The following NEMP2 variants were observed in gnomAD, a reference collection of about 807,000 sequenced individuals.
NEMP2 encodes nuclear envelope integral membrane protein 2, also known as UPF0571 transmembrane protein.
In NEMP2, 53 loss-of-function variants were observed where a neutral mutation model predicts 54.2. The ratio of observed to expected loss-of-function variants is 0.98; its 90% CI spans 0.78 to 1.23. NEMP2 has a LOEUF of 1.23. Ranked by LOEUF, NEMP2 falls within the 50% of genes most tolerant of loss-of-function variation. The probability of loss-of-function intolerance (pLI) is 0.00; values close to 1 mark genes in which losing one functional copy is unlikely to be tolerated. For synonymous variants in NEMP2, 197 were observed against 190.3 expected, an observed-to-expected ratio of 1.04 and a Z score of -0.29; for missense variants, 455 against 511.3, an observed-to-expected ratio of 0.89 and a Z score of 1.06.
At chr2:190,438,018 A>G in the NEMP2 span, among the ~76,000 whole-genome samples, 2 of 152,184 alleles carry the variant, frequency 1.3e-5, no homozygotes, top group Non-Finnish European at 2.9e-5. This position sits in a 1 kb window ranked among gnomAD's most constrained non-coding sequence, Gnocchi z 5.2. Flanking sequence ...TATGGCATCT[A>G]AAGATGTCCA....
the NEMP2 span, among the ~76,000 whole-genome samples, chr2:190,431,499 T>A: frequency 6.6e-6 from 1 of 152,186 alleles, no homozygotes; most frequent in Non-Finnish European, 1.5e-5. The surrounding 1 kb of genome is among the most constrained non-coding windows in gnomAD (Gnocchi z 4.4). Flanking sequence ...GATTAGGAGC[T>A]GGAGACTAGC....
the NEMP2 span, chr2:190,646,908 C>T: frequency 2.0e-5 from 3 of 152,258 alleles, no homozygotes; most frequent in Admixed American, 6.5e-5. Context: ...TACATCTTTA[C>T]GGAAAAAAGT....
At chr2:190,625,884 G>A in the NEMP2 span, 2 of 152,130 alleles carry the variant, frequency 1.3e-5, no homozygotes, top group African/African-American at 4.8e-5. Context: ...TAACAGACAG[G>A]CAGCTTCTAG....
chr2:190,482,167 T>C, the NEMP2 span, among the ~76,000 whole-genome samples: 5 of 152,228 alleles, frequency 3.3e-5, no homozygotes, highest in Non-Finnish European at 7.3e-5. Context: ...GCATTGCAGA[T>C]GGCAGATTCT....
At chr2:190,475,701 GA>G in the NEMP2 span, among the ~76,000 whole-genome samples, 1 of 152,062 alleles carries the variant, frequency 6.6e-6, no homozygotes, top group East Asian at 1.9e-4. Context: ...CACAGAATTG[GA>G]AAAAACTACT....
At chr2:190,449,900 A>T in the NEMP2 span, among the ~76,000 whole-genome samples, 36 of 152,146 alleles carry the variant, frequency 2.4e-4, no homozygotes, top group Admixed American at 8.5e-4. Context: ...GCTTTAGGAG[A>T]TATACCTAAT....
At chr2:190,437,597 T>C in the NEMP2 span, 5 of 1,581,444 alleles carry the variant, frequency 3.2e-6, no homozygotes, top group South Asian at 4.6e-5. The surrounding 1 kb of genome is among the most constrained non-coding windows in gnomAD (Gnocchi z 5.9). Context: ...CCCTCAGCAA[T>C]TGAACTTTAT....
the NEMP2 span, among the ~76,000 whole-genome samples, chr2:190,595,939 C>T: frequency 2.0e-5 from 3 of 152,148 alleles, no homozygotes; most frequent in African/African-American, 7.2e-5. The surrounding 1 kb of genome is among the most constrained non-coding windows in gnomAD (Gnocchi z 4.0). Flanking sequence ...ACTATAAAGA[C>T]ACATGCACAC....
At chr2:190,462,543 A>G in the NEMP2 span, among the ~76,000 whole-genome samples, 16 of 152,322 alleles carry the variant, frequency 1.1e-4, no homozygotes, top group South Asian at 8.3e-4. The surrounding 1 kb of genome is among the most constrained non-coding windows in gnomAD (Gnocchi z 5.7). Flanking sequence ...TTTTGAGTAC[A>G]AAGAGGAAGA....
At chr2:190,488,799 C>T in the NEMP2 span, 2 of 1,576,716 alleles carry the variant, frequency 1.3e-6, no homozygotes, top group East Asian at 2.3e-5. This position sits in a 1 kb window ranked among gnomAD's most constrained non-coding sequence, Gnocchi z 6.4. Flanking sequence ...TGATCGGAGG[C>T]GTGTTAGTCA....
In NEMP2 at chr2:190,508,233, C is replaced by A. The variant is rs755687376; in HGVS notation, c.*956G>T. 3 of 152,120 alleles carry A rather than the reference C, an allele frequency of 2.0e-5. No homozygotes were observed. Among genetic ancestry groups the A allele is most frequent in the Non-Finnish European group, 2.9e-5 (2 of 68,006 alleles). 9.4% of individuals were successfully genotyped at this position (152,120 alleles called of 1,614,324 possible). ...CTTACGTATGTATATAAAAATCTTACGTATGTATAAAAAACTTTAAAATGT... is the reference window on the plus strand; with the variant it reads ...CTTACGTATGTATATAAAAATCTTAAGTATGTATAAAAAACTTTAAAATGT... On this transcript the variant is annotated 3_prime_UTR_variant, in exon 9 of 9. Coordinates refer to ENST00000409150, the MANE Select transcript of NEMP2 (RefSeq NM_001142645.2). The surrounding 1 kb of genome is among the most constrained non-coding windows in gnomAD (Gnocchi z 4.3).
chr2:190,557,963 C>T, the NEMP2 span, among the ~76,000 whole-genome samples: 1 of 152,178 alleles, frequency 6.6e-6, no homozygotes, highest in African/African-American at 2.4e-5. Flanking sequence ...CCTAACAATC[C>T]CATTCCTGGG....
chr2:190,636,665 T>C, the NEMP2 span, among the ~76,000 whole-genome samples: 2 of 152,242 alleles, frequency 1.3e-5, no homozygotes, highest in Non-Finnish European at 2.9e-5. Flanking sequence ...CCCCAGGGGC[T>C]TGTTCCATGT....
chr2:190,619,021 C>T, the NEMP2 span, among the ~76,000 whole-genome samples: 2 of 152,194 alleles, frequency 1.3e-5, no homozygotes, highest in African/African-American at 4.8e-5. The surrounding 1 kb of genome is among the most constrained non-coding windows in gnomAD (Gnocchi z 5.5). Context: ...AGAGAATAAT[C>T]TCTCTTCTAT....
chr2:190,554,253 C>T, the NEMP2 span, among the ~76,000 whole-genome samples: 7 of 152,084 alleles, frequency 4.6e-5, no homozygotes, highest in East Asian at 7.7e-4. The surrounding 1 kb of genome is among the most constrained non-coding windows in gnomAD (Gnocchi z 5.7). Flanking sequence ...CCGAGCTAGC[C>T]GCAGGAGTTT....
At chr2:190,439,374 A>G in the NEMP2 span, among the ~76,000 whole-genome samples, 1 of 151,570 alleles carries the variant, frequency 6.6e-6, no homozygotes, top group South Asian at 2.1e-4. The surrounding 1 kb of genome is among the most constrained non-coding windows in gnomAD (Gnocchi z 5.8). Context: ...TTATTTGTTT[A>G]TTTTTTTATT....
the NEMP2 span, among the ~76,000 whole-genome samples, chr2:190,618,511 A>G: frequency 6.6e-6 from 1 of 152,202 alleles, no homozygotes; most frequent in African/African-American, 2.4e-5. Flanking sequence ...CTCTTCGACC[A>G]AAGATAAATT....
upstream of NEMP2, among the ~76,000 whole-genome samples, chr2:190,538,521 C>T (rs1691448247): frequency 6.6e-6 from 1 of 151,928 alleles, no homozygotes; most frequent in Non-Finnish European, 1.5e-5. This position sits in a 1 kb window ranked among gnomAD's most constrained non-coding sequence, Gnocchi z 4.1. Context: ...TATGGTAGGT[C>T]TAGTTTTGAG....
the NEMP2 span, among the ~76,000 whole-genome samples, chr2:190,572,191 A>G: frequency 6.6e-6 from 1 of 152,200 alleles, no homozygotes; most frequent in Admixed American, 6.5e-5. Flanking sequence ...TTGCATTTAA[A>G]CTATAGCTAG....
Sources: gnomAD v4.1 joint callset for allele counts (sites outside exome capture counted in the v4.1 genomes callset) on GRCh38, gnomAD v4.1.1 for gene constraint, Gnocchi (gnomAD v3.1) non-coding constraint, MANE v1.5 for transcripts, NCBI Gene and HGNC (gene_info 2026-07-23, HGNC 2026-07-21) for gene names.